AFG1L: variants seen among roughly 807,000 people sequenced by gnomAD.
The protein encoded by AFG1L is AFG1-like ATPase.
AFG1L carries 53 observed loss-of-function variants against 62.2 expected under a neutral mutation model. The observed-to-expected ratio is 0.85, with a 90% CI of 0.68 to 1.07. The LOEUF (loss-of-function observed/expected upper bound fraction) is 1.07. Among genes scored for constraint, AFG1L ranks in the 50% least tolerant of loss-of-function variants. The pLI, the probability that AFG1L is intolerant of heterozygous loss-of-function variation, is 0.00. For missense variants in AFG1L, 555 were observed against 590.5 expected, an observed-to-expected ratio of 0.94 and a Z score of 0.62; for synonymous variants, 228 against 210.3, an observed-to-expected ratio of 1.08 and a Z score of -0.73.
At chr6:108,365,212 G>A (rs1199903339) in intron 5 of AFG1L, among the ~76,000 whole-genome samples, 3 of 152,004 alleles carry the variant, frequency 2.0e-5, no homozygotes, top group African/African-American at 4.8e-5. Context: ...ATATACTTAG[G>A]GGAAGTTGCA....
chr6:108,322,627 A>G (rs778075818), intron 1 of AFG1L, among the ~76,000 whole-genome samples: 6 of 152,106 alleles, frequency 3.9e-5, no homozygotes, highest in African/African-American at 7.3e-5. Context: ...CATTCATGAT[A>G]TATTTAAGGA....
At chr6:108,475,169 T>C (rs1047035693) in intron 8 of AFG1L, among the ~76,000 whole-genome samples, 1 of 152,234 alleles carries the variant, frequency 6.6e-6, no homozygotes, top group Non-Finnish European at 1.5e-5. Flanking sequence ...TGCTTGTTTT[T>C]GTCAGGTTTC....
rs1771712927 is a variant in AFG1L, at chr6:108,445,175, A to G, written c.808-2039A>G. ...GAAACCTCATGAACCAACCTCTGCT[A>G]GCTTCCATCTTTTCTTCTGCAGCTT... is the stretch of plus-strand genomic sequence containing the variant. On this transcript the variant is annotated intron_variant, in intron 7 of 12. Transcript: ENST00000368977. 2.6e-5 allele frequency among the ~76,000 whole-genome samples: 4 copies of G among 152,328 alleles called. No individual in the cohort carries two copies. In the South Asian group the frequency reaches 6.2e-4, roughly 24 times the overall value.
chr6:108,338,785 T>C (rs1778566935), intron 2 of AFG1L, among the ~76,000 whole-genome samples: 1 of 152,226 alleles, frequency 6.6e-6, no homozygotes, highest in African/African-American at 2.4e-5. Flanking sequence ...TAGGAATTGT[T>C]TGATGTGTCT....
intron 2 of AFG1L, among the ~76,000 whole-genome samples, chr6:108,345,518 C>G (rs1778832124): frequency 6.6e-6 from 1 of 151,922 alleles, no homozygotes; most frequent in African/African-American, 2.4e-5. Flanking sequence ...CATCACCATG[C>G]CGGCTGATTT....
chr6:108,479,339 AT>A (rs541403392), intron 10 of AFG1L, among the ~76,000 whole-genome samples: 1,768 of 149,786 alleles, frequency 0.012, 24 homozygotes, highest in African/African-American at 0.04. Context: ...TTATTTGTTG[AT>A]TTTTTTTTTC....
At chr6:108,490,089 G>A (rs1044893128) in intron 10 of AFG1L, among the ~76,000 whole-genome samples, 13 of 152,160 alleles carry the variant, frequency 8.5e-5, no homozygotes, top group African/African-American at 3.1e-4. Flanking sequence ...GGCTAGGCGC[G>A]GTGGCTTACG....
intron 8 of AFG1L, among the ~76,000 whole-genome samples, chr6:108,472,962 C>G (rs889033524): frequency 6.6e-6 from 1 of 151,856 alleles, no homozygotes; most frequent in Non-Finnish European, 1.5e-5. Flanking sequence ...ACCACCATGC[C>G]GGCTAATTTT....
At chr6:108,316,338 G>A (rs1266100567) in intron 1 of AFG1L, among the ~76,000 whole-genome samples, 3 of 101,926 alleles carry the variant, frequency 2.9e-5, no homozygotes, top group Admixed American at 1.5e-4. Flanking sequence ...CCGAGATCCC[G>A]CCACTGCACT....
chr6:108,297,858 CAAAAAAAA>C (rs774320900), intron 1 of AFG1L, among the ~76,000 whole-genome samples: 1 of 45,132 alleles, frequency 2.2e-5, no homozygotes, highest in Non-Finnish European at 4.4e-5. Context: ...GAACCTGTCT[CAAAAAAAA>C]AAAAAAAAAA....
Position 108,312,950 on chromosome 6 carries a change from C to T in AFG1L, c.140-10875C>T, listed in dbSNP as rs377276144. Among the ~76,000 whole-genome samples, 9 of 152,216 alleles carry T rather than the reference C, an allele frequency of 5.9e-5. No homozygotes were observed. The East Asian group carries it at 7.7e-4, about 13-fold the overall frequency. The stretch of plus-strand genomic sequence containing the variant: ...CTGCACCCAGCCTTCCTCTCATGTT[C>T]TTAAGATGCAGCAGTCCAGGTATCC... On this transcript the variant is annotated intron_variant, in intron 1 of 12. Coordinates refer to ENST00000368977, the MANE Select transcript of AFG1L (RefSeq NM_145315.5).
At chr6:108,401,442 G>A (rs1424390749) in intron 6 of AFG1L, among the ~76,000 whole-genome samples, 1 of 151,848 alleles carries the variant, frequency 6.6e-6, no homozygotes, top group African/African-American at 2.4e-5. Flanking sequence ...GCGCCCGGCC[G>A]CCTGGCTAAT....
chr6:108,383,616 A>C (rs1780638579), intron 6 of AFG1L, among the ~76,000 whole-genome samples: 1 of 152,140 alleles, frequency 6.6e-6, no homozygotes, highest in South Asian at 2.1e-4. Context: ...GAATAATAGA[A>C]TGATGAAGAA....
At chr6:108,350,447 C>A (rs982967747) in intron 3 of AFG1L, among the ~76,000 whole-genome samples, 4 of 152,120 alleles carry the variant, frequency 2.6e-5, no homozygotes, top group African/African-American at 9.7e-5. Context: ...CTGCTCACTT[C>A]ACCTCTTTCT....
intron 10 of AFG1L, among the ~76,000 whole-genome samples, chr6:108,485,461 T>A (rs918197057): frequency 6.6e-6 from 1 of 150,970 alleles, no homozygotes; most frequent in Non-Finnish European, 1.5e-5. Context: ...GAGGATTGGA[T>A]CTAGTAGTAG....
At chr6:108,415,694 G>A (rs1381421069) in intron 7 of AFG1L, among the ~76,000 whole-genome samples, 3 of 152,280 alleles carry the variant, frequency 2.0e-5, no homozygotes, top group South Asian at 2.1e-4. Context: ...TTAATAAATG[G>A]TGCTGGGAAA....
At chr6:108,339,891 C>T (rs1019898929) in intron 2 of AFG1L, among the ~76,000 whole-genome samples, 1 of 152,090 alleles carries the variant, frequency 6.6e-6, no homozygotes, top group African/African-American at 2.4e-5. Context: ...AAACATTTAT[C>T]CTTTGTGTTA....
intron 1 of AFG1L, among the ~76,000 whole-genome samples, chr6:108,304,303 A>G (rs975423142): frequency 6.6e-6 from 1 of 152,234 alleles, no homozygotes; most frequent in Non-Finnish European, 1.5e-5. Context: ...ATAGGTCTTT[A>G]ATGTCAATGG....
chr6:108,295,548 C>G (rs1274018213), intron 1 of AFG1L, among the ~76,000 whole-genome samples: 1 of 151,984 alleles, frequency 6.6e-6, no homozygotes, highest in Non-Finnish European at 1.5e-5. Flanking sequence ...GGACCCCTAC[C>G]CTCTGCGTTT....
Sources: allele counts gnomAD v4.1 joint callset (sites outside exome capture counted in the v4.1 genomes callset), GRCh38; gene constraint gnomAD v4.1.1; transcripts MANE v1.5; gene names NCBI Gene and HGNC (gene_info 2026-07-23, HGNC 2026-07-21).